The following NUP98 variants were observed in gnomAD, a reference collection of about 807,000 sequenced individuals.
The protein encoded by NUP98 is nuclear pore complex protein Nup98-Nup96.
NUP98 carries 26 observed loss-of-function variants against 191.9 expected under a neutral mutation model. That is an observed-to-expected ratio of 0.14 (90% CI 0.10 to 0.19). NUP98 has a LOEUF of 0.19. Ranked by LOEUF, NUP98 falls within the 10% of genes least tolerant of loss-of-function variation. The pLI is 1.00. For synonymous variants in NUP98, 808 were observed against 778.4 expected (o/e 1.04, Z -0.63); for missense variants, 1,941 against 2,178.8 (o/e 0.89, Z 2.17).
chr11:3,676,530 T>C lies in NUP98; in HGVS notation c.5164A>G (p.Lys1722Glu). 1 of 1,614,074 alleles carries C rather than the reference T, an allele frequency of 6.2e-7. No homozygotes were observed. The highest frequency in any genetic ancestry group is 1.1e-5 in the South Asian group (1 of 91,074). ...RIEQIQCYSA[K>E]DRLAQSDMAK... Reference sequence around the variant, plus strand: ...TTACCTGACTGAGCCAGGCGATCTTTAGCACTGTAACACTGAATCTGCTCT... The same window carrying C: ...TTACCTGACTGAGCCAGGCGATCTTCAGCACTGTAACACTGAATCTGCTCT... Residue 1722 changes from lysine to glutamate, a missense_variant, in exon 32 of 33, where the codon AAA (lysine) becomes GAA (glutamate). Coordinates refer to ENST00000324932, the MANE Select transcript of NUP98 (RefSeq NM_016320.5).
In NUP98 at chr11:3,768,638, G is replaced by A; in HGVS notation, c.891C>T (p.Asn297=). 1 of 1,611,684 alleles carries A rather than the reference G, an allele frequency of 6.2e-7. No homozygotes were observed. Among genetic ancestry groups the A allele is most frequent in the Non-Finnish European group, 8.5e-7 (1 of 1,178,692 alleles). ...TGGTATTACCAAAGGAAAAGCCAGTGTTCTGGGTGGTTGTAGCCTGGCCAA... is the reference window on the plus strand; with the variant it reads ...TGGTATTACCAAAGGAAAAGCCAGTATTCTGGGTGGTTGTAGCCTGGCCAA... ...KPFGQATTTQ[N]TGFSFGNTST... The change falls in exon 8 of 33, where the codon AAC becomes AAT. Residue 297 remains asparagine (N), a synonymous_variant. Transcript: ENST00000324932.
chr11:3,782,553 C>A (rs973049056), intron 1 of NUP98, among the ~76,000 whole-genome samples: 9 of 150,500 alleles, frequency 6.0e-5, no homozygotes, highest in African/African-American at 2.0e-4. Context: ...GCTAACCCAA[C>A]CACCTAAAAA....
At chr11:3,744,454 T>C in intron 12 of NUP98, 55 bp downstream of exon 12, 1 of 1,548,658 alleles carries the variant, frequency 6.5e-7, no homozygotes, top group Non-Finnish European at 8.7e-7. Flanking sequence ...GAAAATCAGG[T>C]CAGCAAGTAT....
At chr11:3,786,384 T>C (rs1300506592) in intron 1 of NUP98, among the ~76,000 whole-genome samples, 1 of 152,226 alleles carries the variant, frequency 6.6e-6, no homozygotes, top group Non-Finnish European at 1.5e-5. Context: ...GGTATACCCA[T>C]GGCAAAGATG....
At chr11:3,725,771 T>C (rs1354945318) in intron 14 of NUP98, among the ~76,000 whole-genome samples, 1 of 152,202 alleles carries the variant, frequency 6.6e-6, no homozygotes, top group Non-Finnish European at 1.5e-5. Flanking sequence ...TGTTATCAAA[T>C]AATGCAAATG....
chr11:3,686,874 C>G (rs373431240), intron 28 of NUP98, among the ~76,000 whole-genome samples: 4 of 152,056 alleles, frequency 2.6e-5, no homozygotes, highest in African/African-American at 9.7e-5. Context: ...GTATTCCCGG[C>G]TACTCAGGAG....
intron 12 of NUP98, among the ~76,000 whole-genome samples, chr11:3,740,470 T>C (rs2080240160): frequency 6.7e-6 from 1 of 149,570 alleles, no homozygotes; most frequent in South Asian, 2.1e-4. Context: ...AAGATCAAGA[T>C]CACACCACTA....
chr11:3,727,893 C>A (rs919494796), intron 14 of NUP98, among the ~76,000 whole-genome samples: 1 of 151,870 alleles, frequency 6.6e-6, no homozygotes, highest in Non-Finnish European at 1.5e-5. Context: ...TGTGGTGGCA[C>A]GCACCTGTAG....
At position 3,699,076 on chromosome 11, in the gene NUP98, C is replaced by T. The variant is rs769702334; in HGVS notation, c.4009+6G>A. ...GGCGCAGAGAAGGACCATATGCCTT[C>T]CCCACCTGACTGCTGGGCCAGAGAG... On this transcript the variant is annotated splice_donor_region_variant and intron_variant, in intron 25 of 32. Coordinates refer to ENST00000324932, the MANE Select transcript of NUP98 (RefSeq NM_016320.5). 3 of 1,611,932 alleles carry T rather than the reference C, an allele frequency of 1.9e-6. No homozygotes were observed. The highest frequency in any genetic ancestry group is 2.5e-6 in the Non-Finnish European group (3 of 1,179,786).
At chr11:3,780,315 G>C (rs1005462964) in intron 2 of NUP98, among the ~76,000 whole-genome samples, 1 of 150,448 alleles carries the variant, frequency 6.6e-6, no homozygotes, top group Non-Finnish European at 1.5e-5. Context: ...CAGATCATGA[G>C]GTCAGGAGAT....
At chr11:3,760,715 G>T in intron 9 of NUP98, 89 bp from the exon 10 acceptor site, 6 of 1,005,162 alleles carry the variant, frequency 6.0e-6, no homozygotes, top group African/African-American at 1.6e-5. Flanking sequence ...ACTGGGTTGG[G>T]TATGGGGTGG....
intron 28 of NUP98, among the ~76,000 whole-genome samples, chr11:3,688,663 C>T (rs12226275): frequency 4.7e-5 from 7 of 149,180 alleles, no homozygotes; most frequent in East Asian, 2.0e-4. Context: ...GGCTTTGTGG[C>T]GCATGCCTGT....
chr11:3,693,780 T>C (rs1168674945), intron 26 of NUP98, among the ~76,000 whole-genome samples: 2 of 152,228 alleles, frequency 1.3e-5, no homozygotes, highest in East Asian at 3.8e-4. Context: ...GTTGTCAATG[T>C]ATAAAGCTTT....
At chr11:3,770,509 G>A (rs1311860496) in intron 7 of NUP98, among the ~76,000 whole-genome samples, 1 of 143,962 alleles carries the variant, frequency 6.9e-6, no homozygotes, top group East Asian at 2.1e-4. Context: ...GAAAAGAAAA[G>A]AAAAAGTAGG....
chr11:3,725,325 C>T, intron 14 of NUP98, 106 bp from the exon 15 acceptor site: 1 of 617,278 alleles, frequency 1.6e-6, no homozygotes, highest in Non-Finnish European at 2.9e-6. Flanking sequence ...TTCTGCTCAA[C>T]TCTTGTACAC....
chr11:3,734,710 C>A (rs2079979257), intron 13 of NUP98, among the ~76,000 whole-genome samples: 1 of 152,040 alleles, frequency 6.6e-6, no homozygotes, highest in Non-Finnish European at 1.5e-5. Flanking sequence ...TTGGTTATGC[C>A]ACTTAAGAGC....
chr11:3,752,895 T>C (rs2080817685), intron 11 of NUP98, among the ~76,000 whole-genome samples: 1 of 152,206 alleles, frequency 6.6e-6, no homozygotes, highest in Non-Finnish European at 1.5e-5. Context: ...TGGAACTAAA[T>C]GAAATTCTCC....
intron 4 of NUP98, 33 bp from the exon 5 acceptor site, chr11:3,776,054 A>T: frequency 1.3e-6 from 2 of 1,555,544 alleles, no homozygotes; most frequent in Non-Finnish European, 1.8e-6. Context: ...AGACGATAAC[A>T]GTAAGAAATT....
intron 17 of NUP98, among the ~76,000 whole-genome samples, chr11:3,720,402 G>T (rs536551178): frequency 1.3e-5 from 2 of 152,174 alleles, no homozygotes; most frequent in South Asian, 2.1e-4. Flanking sequence ...TAAGCCCAAA[G>T]AATATTATAT....
Sources: allele counts gnomAD v4.1 joint callset (sites outside exome capture counted in the v4.1 genomes callset), GRCh38; gene constraint gnomAD v4.1.1; transcripts MANE v1.5; gene names NCBI Gene and HGNC (gene_info 2026-07-23, HGNC 2026-07-21).